Variants in GPR21 observed in about 807,000 individuals in gnomAD.
GPR21 encodes the protein G protein-coupled receptor 21.
Under a neutral mutation model 21.5 loss-of-function variants are expected in GPR21, and 9 were observed. That is an observed-to-expected ratio of 0.42 (90% CI 0.25 to 0.73). The LOEUF is 0.73. GPR21 is among the 30% of genes least tolerant of loss of function. The probability of loss-of-function intolerance (pLI) is 0.27; values close to 1 mark genes in which losing one functional copy is unlikely to be tolerated. For missense variants in GPR21, 416 were observed against 428.9 expected (o/e 0.97, Z 0.27); for synonymous variants, 169 against 159.3 (o/e 1.06, Z -0.46).
rs1446094072 is a variant in GPR21, at chr9:123,035,662, G to A, written c.*46G>A. On this transcript the variant is annotated 3_prime_UTR_variant, in exon 2 of 2. Transcript: ENST00000616002. ...CCCGTGTGTGTGTGTGTGTGTGTGT[G>A]TGTGTGTGTGTGTGTGTGTGTATTT... 2.3e-6 allele frequency: 2 copies of A among 883,660 alleles called. No individual in the cohort carries two copies. The highest frequency in any genetic ancestry group is 1.7e-5 in the African/African-American group (1 of 59,432). The allele number at this position is 883,660 out of a possible 1,614,324, so 54.7% of individuals were successfully genotyped here. A position where few individuals can be genotyped will look rare whatever the true frequency, so the allele number is the denominator to read the frequency against.
chr9:123,034,121 T>C (rs1162111255), intron 1 of GPR21, 50 bp from the exon 2 acceptor site: 1 of 169,664 alleles, frequency 5.9e-6, no homozygotes, highest in Non-Finnish European at 1.2e-5. Flanking sequence ...GTTCTTTGAT[T>C]AGGGCATTGG....
downstream of GPR21, among the ~76,000 whole-genome samples, chr9:123,039,230 A>G (rs1437791676): frequency 6.6e-6 from 1 of 152,164 alleles, no homozygotes; most frequent in African/African-American, 2.4e-5. Context: ...AAGAGAAGCA[A>G]AATAAATGCT....
downstream of GPR21, among the ~76,000 whole-genome samples, chr9:123,037,110 T>C (rs1331840702): frequency 6.6e-6 from 1 of 152,084 alleles, no homozygotes; most frequent in Non-Finnish European, 1.5e-5. Flanking sequence ...AATGCGACAG[T>C]GGTGTTCAGT....
downstream of GPR21, among the ~76,000 whole-genome samples, chr9:123,040,253 T>C (rs756512014): frequency 2.8e-4 from 42 of 152,294 alleles, no homozygotes; most frequent in Middle Eastern, 3.4e-3. Context: ...CTGTTTTTTG[T>C]GGGGTACAAT....
chr9:123,047,919 G>GTTTTTTTTT, the GPR21 span, among the ~76,000 whole-genome samples: 24 of 62,282 alleles, frequency 3.9e-4, 6 homozygotes, highest in Non-Finnish European at 7.8e-4. Flanking sequence ...CAGCTGCTGG[G>GTTTTTTTTT]TTTTTTTTTT....
At chr9:123,041,306 T>C in the GPR21 span, among the ~76,000 whole-genome samples, 41 of 152,328 alleles carry the variant, frequency 2.7e-4, no homozygotes, top group African/African-American at 7.2e-4. Flanking sequence ...AAAGCCTATG[T>C]TCTTGCCTTA....
the GPR21 span, among the ~76,000 whole-genome samples, chr9:123,044,659 G>GTATGTA: frequency 6.6e-6 from 1 of 151,940 alleles, no homozygotes; most frequent in Non-Finnish European, 1.5e-5. Context: ...GTGTGTATGT[G>GTATGTA]TATGTATATG....
chr9:123,048,095 A>C, the GPR21 span, among the ~76,000 whole-genome samples: 5 of 151,876 alleles, frequency 3.3e-5, no homozygotes, highest in Admixed American at 1.3e-4. Flanking sequence ...GTGCATCACC[A>C]CGCCCAGCTA....
the GPR21 span, among the ~76,000 whole-genome samples, chr9:123,045,388 T>G: frequency 6.6e-6 from 1 of 152,178 alleles, no homozygotes; most frequent in Non-Finnish European, 1.5e-5. Context: ...ACTAAAGCCT[T>G]TTTTCATTTA....
At position 123,034,558 on chromosome 9, in the gene GPR21, G is replaced by A. The variant is rs757801090; in HGVS notation, c.-9G>A. The stretch of plus-strand genomic sequence containing the variant: ...CAGCATGAAGTGACAGATCACTCCT[G>A]AGCTCAAGATGAACTCCACCTTGGA... On this transcript the variant is annotated 5_prime_UTR_variant, in exon 2 of 2. It removes the in-frame stop codon of an upstream open reading frame in the 5' UTR. Transcript: ENST00000616002. 6.4e-7 allele frequency: 1 copy of A among 1,574,014 alleles called. No individual in the cohort carries two copies. Among genetic ancestry groups the A allele is most frequent in the Non-Finnish European group, 8.7e-7 (1 of 1,155,442 alleles).
downstream of GPR21, among the ~76,000 whole-genome samples, chr9:123,037,378 T>C (rs2032719567): frequency 2.0e-5 from 3 of 152,234 alleles, no homozygotes; most frequent in South Asian, 6.2e-4. Flanking sequence ...AAAACCTTGC[T>C]TGCTCTTTAT....
chr9:123,036,236 T>G (rs1012713284), downstream of GPR21, among the ~76,000 whole-genome samples: 31 of 152,222 alleles, frequency 2.0e-4, no homozygotes, highest in African/African-American at 6.8e-4. Flanking sequence ...TTTAGAATTT[T>G]ACAGTGAACC....
At chr9:123,036,023 T>C, downstream of GPR21, among the ~76,000 whole-genome samples, 1 of 152,230 alleles carries the variant, frequency 6.6e-6, no homozygotes, top group South Asian at 2.1e-4. Context: ...TTTCCAGCTA[T>C]TTGGGCTTCA....
At chr9:123,037,149 A>G (rs2032708370), downstream of GPR21, among the ~76,000 whole-genome samples, 2 of 152,184 alleles carry the variant, frequency 1.3e-5, no homozygotes, top group African/African-American at 4.8e-5. Flanking sequence ...AACCCAGGGG[A>G]CATGGGTTAA....
At position 123,034,723 on chromosome 9, in the gene GPR21, T is replaced by C. The variant is rs758802948; in HGVS notation, c.157T>C (p.Phe53Leu). 4.3e-6 allele frequency: 7 copies of C among 1,613,926 alleles called. No homozygotes were observed. In the South Asian group the frequency reaches 7.7e-5, roughly 18 times the overall value. The change falls in exon 2 of 2, where the codon TTT becomes CTT. Residue 53 changes from phenylalanine to leucine, a missense_variant. By Grantham distance (22) the Phe-to-Leu change is conservative. Transcript: ENST00000616002. The part of the protein sequence containing the change: ...ISGNIIVIFV[F>L]HCAPLLNHHT... ...TGGCAACATCATTGTGATTTTTGTA[T>C]TTCACTGTGCACCTTTGTTGAACCA... is the stretch of plus-strand genomic sequence containing the variant.
chr9:123,038,209 G>A (rs1025568696), downstream of GPR21, among the ~76,000 whole-genome samples: 2 of 151,756 alleles, frequency 1.3e-5, no homozygotes, highest in East Asian at 1.9e-4. Context: ...GGATATTTGC[G>A]TTTTTTTCAC....
At chr9:123,036,138 C>G (rs2032647022), downstream of GPR21, among the ~76,000 whole-genome samples, 1 of 152,204 alleles carries the variant, frequency 6.6e-6, no homozygotes, top group African/African-American at 2.4e-5. Context: ...AGTTTCAACA[C>G]TGTCATTTAG....
At chr9:123,036,951 A>G (rs1471751309), downstream of GPR21, among the ~76,000 whole-genome samples, 1 of 152,136 alleles carries the variant, frequency 6.6e-6, no homozygotes, top group Non-Finnish European at 1.5e-5. Flanking sequence ...TCTTTAGAGC[A>G]AGAGGTTTAT....
chr9:123,043,900 CT>C, the GPR21 span, among the ~76,000 whole-genome samples: 752 of 129,394 alleles, frequency 5.8e-3, 3 homozygotes, highest in African/African-American at 0.015. Context: ...GTATTATTTT[CT>C]TTTTTTTTTT....
Sources: gnomAD v4.1 joint callset for allele counts (sites outside exome capture counted in the v4.1 genomes callset) on GRCh38, gnomAD v4.1.1 for gene constraint, MANE v1.5 for transcripts, NCBI Gene and HGNC (gene_info 2026-07-23, HGNC 2026-07-21) for gene names.